NDST3: variants seen among roughly 807,000 people sequenced by gnomAD.
NDST3 encodes bifunctional heparan sulfate N-deacetylase/N-sulfotransferase 3.
A neutral mutation model predicts 96.1 loss-of-function variants in NDST3; 58 were observed. That is an observed-to-expected ratio of 0.60 (90% CI 0.49 to 0.75). The LOEUF (loss-of-function observed/expected upper bound fraction) is 0.75, where lower values mean the gene tolerates loss of function less well. Ranked by LOEUF, NDST3 falls within the 30% of genes least tolerant of loss-of-function variation. The pLI is 0.00. For missense variants in NDST3, 788 were observed against 1,034.2 expected (o/e 0.76, Z 3.27); for synonymous variants, 333 against 359.7 (o/e 0.93, Z 0.84).
At chr4:118,040,859 A>G (rs1193071559) in intron 1 of NDST3, among the ~76,000 whole-genome samples, 1 of 43,382 alleles carries the variant, frequency 2.3e-5, no homozygotes, top group African/African-American at 3.7e-5. Flanking sequence ...ATATATATTT[A>G]TATATTTTTA....
At chr4:118,238,838 A>AC (rs1490265252) in intron 10 of NDST3, among the ~76,000 whole-genome samples, 2 of 152,238 alleles carry the variant, frequency 1.3e-5, no homozygotes, top group Non-Finnish European at 2.9e-5. Context: ...TGTCGCAGAG[A>AC]AGCCCAAATA....
intron 4 of NDST3, among the ~76,000 whole-genome samples, chr4:118,125,777 C>G (rs1732000796): frequency 1.3e-5 from 2 of 151,928 alleles, no homozygotes; most frequent in Admixed American, 1.3e-4. Flanking sequence ...GTAATTAATT[C>G]TTTCAAGATT....
intron 3 of NDST3, among the ~76,000 whole-genome samples, chr4:118,105,661 T>A (rs891940799): frequency 2.0e-5 from 3 of 152,204 alleles, no homozygotes; most frequent in African/African-American, 7.2e-5. Context: ...CTGTACAGTA[T>A]TCCATTGTCT....
intron 6 of NDST3, among the ~76,000 whole-genome samples, chr4:118,151,722 T>C (rs944637497): frequency 1.3e-5 from 2 of 152,132 alleles, no homozygotes; most frequent in East Asian, 3.9e-4. Flanking sequence ...AAATCTGCAA[T>C]AGAACTTTAA....
At position 118,236,756 on chromosome 4, in the gene NDST3, G is replaced by C. The variant is rs60465955; in HGVS notation, c.1944-290G>C. ...CATTGAGACACATTTGATATAGTTA[G>C]GTCGATCACTGTTGCAGTTTGATCA... On this transcript the variant is annotated intron_variant, in intron 9 of 13. Transcript: ENST00000296499. Among the ~76,000 whole-genome samples the C allele has an allele frequency of 5.3e-5, 8 of 152,188 alleles. No individual in the cohort carries two copies. In the East Asian group the frequency reaches 1.5e-3, roughly 29 times the overall value.
chr4:118,081,624 G>T (rs2389515), intron 2 of NDST3, among the ~76,000 whole-genome samples: 114,410 of 151,974 alleles, frequency 0.75, 45,716 homozygotes, highest in South Asian at 0.92. Context: ...GCTGTTATGG[G>T]CTCATTATTT....
intron 3 of NDST3, among the ~76,000 whole-genome samples, chr4:118,111,371 T>A (rs886710774): frequency 1.3e-5 from 2 of 152,012 alleles, no homozygotes; most frequent in Non-Finnish European, 2.9e-5. Context: ...AAAAAGGAAA[T>A]GGCACTTAAA....
chr4:118,168,729 C>T (rs1735723611), intron 6 of NDST3, among the ~76,000 whole-genome samples: 1 of 152,124 alleles, frequency 6.6e-6, no homozygotes, highest in Non-Finnish European at 1.5e-5. Flanking sequence ...CCTAAATGTC[C>T]ATCAATCGGC....
intron 10 of NDST3, among the ~76,000 whole-genome samples, chr4:118,238,242 A>C (rs1307412245): frequency 6.6e-6 from 1 of 152,080 alleles, no homozygotes; most frequent in Admixed American, 6.5e-5. Flanking sequence ...AGAAGAAAAA[A>C]AGAAAGAAAA....
chr4:118,209,146 G>A (rs1048778004), intron 6 of NDST3, among the ~76,000 whole-genome samples: 1 of 152,126 alleles, frequency 6.6e-6, no homozygotes, highest in Non-Finnish European at 1.5e-5. Flanking sequence ...TGTGGAGGGA[G>A]TGATTTAAAA....
chr4:118,087,047 G>C (rs534773599), intron 2 of NDST3, among the ~76,000 whole-genome samples: 1 of 151,492 alleles, frequency 6.6e-6, no homozygotes, highest in East Asian at 1.9e-4. Flanking sequence ...GATATTTTTA[G>C]TTTTTTTTTG....
intron 2 of NDST3, among the ~76,000 whole-genome samples, chr4:118,067,119 T>C (rs930671943): frequency 6.6e-6 from 1 of 151,162 alleles, no homozygotes; most frequent in East Asian, 1.9e-4. Flanking sequence ...TTGCTGCCAA[T>C]GGGGTAATGA....
chr4:118,243,103 A>G (rs1294698396), intron 12 of NDST3, among the ~76,000 whole-genome samples: 8 of 151,414 alleles, frequency 5.3e-5, no homozygotes, highest in Non-Finnish European at 1.0e-4. Context: ...TTTTTTAATT[A>G]CATGGACTGA....
At chr4:118,128,970 G>A (rs1302150726) in intron 4 of NDST3, among the ~76,000 whole-genome samples, 1 of 151,944 alleles carries the variant, frequency 6.6e-6, no homozygotes, top group African/African-American at 2.4e-5. Context: ...CAACTTGTTG[G>A]CATATAGTTG....
rs1267689506 is a variant in NDST3, at chr4:118,209,001, T to C, written c.1540-15490T>C. ...ACCTCTTAGTAGTGAAGCTGATCTT[T>C]GTGATTACCTAAATTTAATTCATTC... On this transcript the variant is annotated intron_variant, in intron 6 of 13. Coordinates refer to ENST00000296499, the MANE Select transcript of NDST3 (RefSeq NM_004784.3). Among the ~76,000 whole-genome samples the C allele has an allele frequency of 7.6e-5, 8 of 105,460 alleles. 3 individuals carry two copies. Among genetic ancestry groups the C allele is most frequent in the African/African-American group, 2.8e-4 (8 of 28,656 alleles). The allele number at this position is 105,460 out of a possible 152,430, so 69.2% of individuals were successfully genotyped here.
chr4:118,045,047 C>A (rs1316699124), intron 1 of NDST3, among the ~76,000 whole-genome samples: 3 of 152,178 alleles, frequency 2.0e-5, no homozygotes, highest in Non-Finnish European at 4.4e-5. Flanking sequence ...CAATCTTTCA[C>A]AACCTCTGTA....
chr4:118,218,105 C>T (rs1410442377), intron 6 of NDST3, among the ~76,000 whole-genome samples: 1 of 152,188 alleles, frequency 6.6e-6, no homozygotes, highest in African/African-American at 2.4e-5. Flanking sequence ...CCGAATTCTA[C>T]CAGAGGTAAA....
chr4:118,109,017 T>C (rs1006816015), intron 3 of NDST3, among the ~76,000 whole-genome samples: 2 of 152,206 alleles, frequency 1.3e-5, no homozygotes, highest in Non-Finnish European at 2.9e-5. Context: ...GGAAAGTTCT[T>C]CTACCTTGGC....
At chr4:118,124,807 C>T (rs1008177994) in intron 4 of NDST3, among the ~76,000 whole-genome samples, 5 of 151,972 alleles carry the variant, frequency 3.3e-5, no homozygotes, top group Admixed American at 3.3e-4. Context: ...GCTATAATGC[C>T]ATTCAGTTTT....
Sources: gnomAD v4.1 joint callset for allele counts (sites outside exome capture counted in the v4.1 genomes callset) on GRCh38, gnomAD v4.1.1 for gene constraint, MANE v1.5 for transcripts, NCBI Gene and HGNC (gene_info 2026-07-23, HGNC 2026-07-21) for gene names.